TSC22D2: variants seen among roughly 807,000 people sequenced by gnomAD.
TSC22D2 encodes TSC22 domain family member 2.
A neutral mutation model predicts 50.1 loss-of-function variants in TSC22D2; 5 were observed. The observed-to-expected ratio is 0.10, with a 90% CI of 0.05 to 0.21. The LOEUF (loss-of-function observed/expected upper bound fraction) is 0.21, where lower values mean the gene tolerates loss of function less well. Among genes scored for constraint, TSC22D2 ranks in the 10% least tolerant of loss-of-function variants. The pLI, the probability that TSC22D2 is intolerant of heterozygous loss-of-function variation, is 1.00. For synonymous variants in TSC22D2, 501 were observed against 450.1 expected (o/e 1.11, Z -1.43); for missense variants, 1,003 against 1,015.5 (o/e 0.99, Z 0.17).
At chr3:150,418,218 A>G (rs1486025403) in intron 1 of TSC22D2, among the ~76,000 whole-genome samples, 1 of 151,988 alleles carries the variant, frequency 6.6e-6, no homozygotes, top group Non-Finnish European at 1.5e-5. Context: ...GAGCACTGGA[A>G]TACAAATATG....
chr3:150,457,009 C>A, intron 1 of TSC22D2, 67 bp from the exon 2 acceptor site: 1 of 1,385,336 alleles, frequency 7.2e-7, no homozygotes, highest in Non-Finnish European at 1.0e-6. Flanking sequence ...ATGTCTTTTA[C>A]ATTCTTTTAA....
intron 1 of TSC22D2, among the ~76,000 whole-genome samples, chr3:150,432,454 A>G (rs1038829743): frequency 5.3e-5 from 8 of 151,796 alleles, no homozygotes; most frequent in Middle Eastern, 3.4e-3. Flanking sequence ...CTTTTCACCA[A>G]ATAGATTTTA....
rs775845674 is a variant in TSC22D2 at position 150,409,405 on chromosome 3, A to G, written c.55A>G (p.Thr19Ala). Reference sequence around the variant, plus strand: ...CTGCTTCCAGATCACCAGTGTCACCACGGCCCAGGTGGCCACTAGCATCAC... The same window carrying G: ...CTGCTTCCAGATCACCAGTGTCACCGCGGCCCAGGTGGCCACTAGCATCAC... Reference protein sequence around the residue: ...KSCFQITSVTTAQVATSITED... With the variant: ...KSCFQITSVTAAQVATSITED... The change falls in exon 1 of 3, where the codon ACG (threonine) becomes GCG (alanine). Residue 19 changes from threonine to alanine, a missense_variant. Coordinates refer to ENST00000688009, the MANE Select transcript of TSC22D2 (RefSeq NM_001303264.2). This position sits in a 1 kb window ranked among gnomAD's most constrained non-coding sequence, Gnocchi z 7.4. 7 of 1,612,208 alleles carry G rather than the reference A, an allele frequency of 4.3e-6. 1 individual carries two copies. The highest frequency in any genetic ancestry group is 2.2e-5 in the South Asian group (2 of 91,042).
chr3:150,456,183 T>TG (rs1319260166), intron 1 of TSC22D2, among the ~76,000 whole-genome samples: 2 of 29,910 alleles, frequency 6.7e-5, no homozygotes, highest in African/African-American at 2.4e-4. Context: ...TCTTTTTGTT[T>TG]TTTTTTTTTT....
At chr3:150,430,981 T>G (rs1017707713) in intron 1 of TSC22D2, among the ~76,000 whole-genome samples, 1 of 152,102 alleles carries the variant, frequency 6.6e-6, no homozygotes, top group Non-Finnish European at 1.5e-5. Context: ...ATTCAGTGTT[T>G]GTTAACATTT....
rs1453227148 is a variant in TSC22D2 at position 150,458,877 on chromosome 3, C to T, written c.*241C>T. 4.5e-6 allele frequency: 2 copies of T among 441,468 alleles called. No individual in the cohort carries two copies. Among genetic ancestry groups the T allele is most frequent in the South Asian group, 4.6e-5 (1 of 21,704 alleles). 27.3% of individuals were successfully genotyped at this position (441,468 alleles called of 1,614,324 possible). A position where few individuals can be genotyped will look rare whatever the true frequency, so the allele number is the denominator to read the frequency against. On this transcript the variant is annotated 3_prime_UTR_variant, in exon 3 of 3. Transcript: ENST00000688009. ...GAATAATAGATGGGGTTTATTAAAG[C>T]GAGCAAAGTCTGCATTTTACCTGGT...
At chr3:150,438,307 T>G in intron 1 of TSC22D2, 1 of 376,290 alleles carries the variant, frequency 2.7e-6, no homozygotes, top group Non-Finnish European at 5.7e-6. Context: ...TATTCTAGCT[T>G]CTAAGGACTG....
At chr3:150,422,554 C>T (rs1233021939) in intron 1 of TSC22D2, among the ~76,000 whole-genome samples, 1 of 152,168 alleles carries the variant, frequency 6.6e-6, no homozygotes, top group Non-Finnish European at 1.5e-5. Context: ...TGTGTCAAGT[C>T]CAACCCAGGA....
intron 1 of TSC22D2, among the ~76,000 whole-genome samples, chr3:150,426,216 A>G (rs1348040667): frequency 1.3e-5 from 2 of 152,204 alleles, no homozygotes; most frequent in African/African-American, 2.4e-5. Context: ...AATAAATACT[A>G]TAACTTACAT....
intron 1 of TSC22D2, among the ~76,000 whole-genome samples, chr3:150,424,397 G>A (rs1022123803): frequency 1.3e-5 from 2 of 152,112 alleles, no homozygotes; most frequent in Non-Finnish European, 2.9e-5. Context: ...TGTAATAAGA[G>A]TAGCTTTCAA....
chr3:150,450,285 T>C lies in TSC22D2; in HGVS notation c.1959-6791T>C, dbSNP rs1393067393. Among the ~76,000 whole-genome samples the C allele has an allele frequency of 3.3e-5, 5 of 152,106 alleles. No homozygotes were observed. In the South Asian group the frequency reaches 8.3e-4, roughly 25 times the overall value. On this transcript the variant is annotated intron_variant, in intron 1 of 2. Coordinates refer to ENST00000688009, the MANE Select transcript of TSC22D2 (RefSeq NM_001303264.2). Reference sequence around the variant, plus strand: ...TATAAATATTTAACTGAGTTTTTAATAGTTCCTTGGTAAAGGCATTCATCA... The same window carrying C: ...TATAAATATTTAACTGAGTTTTTAACAGTTCCTTGGTAAAGGCATTCATCA...
At position 150,423,073 on chromosome 3, in the gene TSC22D2, A is replaced by G. The variant is rs145029975; in HGVS notation, c.1958+11765A>G. 1.2e-3 allele frequency: 2,003 copies of G among 1,613,260 alleles called. 1 individual carries two copies. Among genetic ancestry groups the G allele is most frequent in the Middle Eastern group, 2.1e-3 (13 of 6,052 alleles). On this transcript the variant is annotated intron_variant, in intron 1 of 2. Transcript: ENST00000688009. Reference sequence around the variant, plus strand: ...GGAATCCTTCAACTGCTTTCTACCAAGCGTTCCATTTGAACACGTTAAAGG... The same window carrying G: ...GGAATCCTTCAACTGCTTTCTACCAGGCGTTCCATTTGAACACGTTAAAGG...
At chr3:150,436,673 T>C (rs960875556) in intron 1 of TSC22D2, among the ~76,000 whole-genome samples, 1 of 152,212 alleles carries the variant, frequency 6.6e-6, no homozygotes, top group Non-Finnish European at 1.5e-5. Context: ...ATTTTTGCCT[T>C]CACCAGGTGA....
chr3:150,445,716 G>A (rs549458243), intron 1 of TSC22D2, among the ~76,000 whole-genome samples: 3 of 152,234 alleles, frequency 2.0e-5, no homozygotes, highest in Non-Finnish European at 2.9e-5. Flanking sequence ...CGTCCTTTAA[G>A]ATATGTACAA....
Position 150,462,646 on chromosome 3 carries a change from T to TTA in TSC22D2, c.*4011_*4012insAT, listed in dbSNP as rs1212543837. 6.7e-6 allele frequency: 1 copy of TTA among 149,990 alleles called. No homozygotes were observed. Among genetic ancestry groups the TTA allele is most frequent in the Non-Finnish European group, 1.5e-5 (1 of 67,914 alleles). 9.3% of individuals were successfully genotyped at this position (149,990 alleles called of 1,614,324 possible). ...TTTCTTTTTTTCTTTTTTCTTTTTT[T>TTA]TTTTTTTTGAGACAGAGTCTTGCTG... On this transcript the variant is annotated 3_prime_UTR_variant, in exon 3 of 3. Transcript: ENST00000688009.
At chr3:150,436,641 C>A (rs969470822) in intron 1 of TSC22D2, among the ~76,000 whole-genome samples, 2 of 152,156 alleles carry the variant, frequency 1.3e-5, no homozygotes, top group Admixed American at 6.5e-5. Context: ...CTTTAAACGA[C>A]CACTTATCCT....
rs1221799950 is a variant in TSC22D2, at chr3:150,413,698, A to G, written c.1958+2390A>G. Among the ~76,000 whole-genome samples the G allele has an allele frequency of 2.6e-5, 4 of 151,964 alleles. No individual in the cohort carries two copies. The East Asian group carries it at 5.8e-4, about 22-fold the overall frequency. On this transcript the variant is annotated intron_variant, in intron 1 of 2. Transcript: ENST00000688009. ...TGAGATGAGTACTTTTGAGGAGACT[A>G]CTATCTTAACTGAAAATTTTAATTT...
intron 1 of TSC22D2, among the ~76,000 whole-genome samples, chr3:150,443,590 A>T (rs1361536815): frequency 6.6e-6 from 1 of 152,222 alleles, no homozygotes; most frequent in African/African-American, 2.4e-5. Flanking sequence ...AATGTGAATG[A>T]CTTCAGACTC....
At chr3:150,424,170 A>G (rs1432186518) in intron 1 of TSC22D2, among the ~76,000 whole-genome samples, 2 of 152,222 alleles carry the variant, frequency 1.3e-5, no homozygotes, top group African/African-American at 4.8e-5. Flanking sequence ...CTTTTAGAAC[A>G]GGAAGTTTTA....
Sources: allele counts gnomAD v4.1 joint callset (sites outside exome capture counted in the v4.1 genomes callset), GRCh38; gene constraint gnomAD v4.1.1; non-coding constraint Gnocchi (gnomAD v3.1); transcripts MANE v1.5; gene names NCBI Gene and HGNC (gene_info 2026-07-23, HGNC 2026-07-21).